Variants in TRPM5 observed in about 807,000 individuals in gnomAD.
TRPM5 encodes the protein transient receptor potential cation channel subfamily M member 5, also known as MLSN1 and TRP-related.
In TRPM5, 121 loss-of-function variants were observed where a neutral mutation model predicts 124.9. The observed-to-expected ratio is 0.97, with a 90% CI of 0.84 to 1.13. TRPM5 has a LOEUF of 1.13. Ranked by LOEUF, TRPM5 falls within the 50% of genes most tolerant of loss-of-function variation. The pLI is 0.00. For synonymous variants in TRPM5, 781 were observed against 700.5 expected (o/e 1.11, Z -1.81); for missense variants, 1,643 against 1,589.1 (o/e 1.03, Z -0.58).
At chr11:2,433,312 C>T in the TRPM5 span, among the ~76,000 whole-genome samples, 4 of 152,272 alleles carry the variant, frequency 2.6e-5, no homozygotes, top group Non-Finnish European at 2.9e-5. Context: ...TACCCTGCTC[C>T]CCGCAGAGGG....
chr11:2,405,815 C>T (rs1565005040), intron 22 of TRPM5, among the ~76,000 whole-genome samples: 1 of 152,186 alleles, frequency 6.6e-6, no homozygotes, highest in Non-Finnish European at 1.5e-5. Flanking sequence ...AAGGCTGTAG[C>T]CTCCCAAGTG....
At chr11:2,437,186 T>C in the TRPM5 span, among the ~76,000 whole-genome samples, 1 of 152,238 alleles carries the variant, frequency 6.6e-6, no homozygotes. This position sits in a 1 kb window ranked among gnomAD's most constrained non-coding sequence, Gnocchi z 5.6. Context: ...CACCTACACA[T>C]ACTTGCACAC....
chr11:2,411,625 G>A lies in TRPM5; in HGVS notation c.2607+10C>T, dbSNP rs747410762. On this transcript the variant is annotated intron_variant, in intron 17 of 23. Coordinates refer to ENST00000155858, the Ensembl canonical transcript of TRPM5. The stretch of plus-strand genomic sequence containing the variant: ...CTCCAGGGCCAGGGCCAGGGCCCCC[G>A]GGGGCTCACCATGCGCTCTACCACG... 1.6e-5 allele frequency: 25 copies of A among 1,610,780 alleles called. No individual in the cohort carries two copies. In the East Asian group the frequency reaches 3.3e-4, roughly 22 times the overall value.
chr11:2,421,854 G>A (rs1201996865), intron 2 of TRPM5, among the ~76,000 whole-genome samples: 3 of 152,180 alleles, frequency 2.0e-5, no homozygotes, highest in Non-Finnish European at 2.9e-5. Context: ...GAAGGGCCAG[G>A]CCCAGCTGGG....
chr11:2,417,839 A>G lies in TRPM5; in HGVS notation c.907-10T>C, dbSNP rs1845708007. On this transcript the variant is annotated splice_polypyrimidine_tract_variant and intron_variant, in intron 6 of 23. Coordinates refer to ENST00000155858, the Ensembl canonical transcript of TRPM5. ...AGGTGATGTTCTGCAGCTGGGCACC[A>G]GAACAGAGCCCCCATGGGGCCGCCT... 6.4e-7 allele frequency: 1 copy of G among 1,567,390 alleles called. No homozygotes were observed.
At chr11:2,433,239 G>A in the TRPM5 span, among the ~76,000 whole-genome samples, 1 of 152,246 alleles carries the variant, frequency 6.6e-6, no homozygotes, top group Admixed American at 6.5e-5. Flanking sequence ...ATGAGGCAAG[G>A]CCCACGCCCT....
chr11:2,414,033 G>GCCC, intron 12 of TRPM5, 28 bp downstream of exon 17: 1 of 455,908 alleles, frequency 2.2e-6, no homozygotes, highest in Non-Finnish European at 4.2e-6. Context: ...CCCCCTGGCA[G>GCCC]CTCTCCTCGA....
At chr11:2,406,545 C>T (rs1850326480) in intron 21 of TRPM5, 116 bp downstream of exon 26, 1 of 1,383,652 alleles carries the variant, frequency 7.2e-7, no homozygotes, top group Non-Finnish European at 9.9e-7. Flanking sequence ...CAGAGCCCTG[C>T]CCCTACCCCT....
At chr11:2,414,133 C>A in exon 12 of TRPM5, 2 of 1,605,912 alleles carry the variant, frequency 1.2e-6, no homozygotes, top group Non-Finnish European at 1.7e-6. Context: ...TGGTCTTGCT[C>A]CAGCAGCGGT....
chr11:2,405,084 A>G (rs758714644), intron 23 of TRPM5, 41 bp from the exon 29 acceptor site: 3 of 1,564,232 alleles, frequency 1.9e-6, no homozygotes, highest in Non-Finnish European at 2.6e-6. Flanking sequence ...GGGAACCAGC[A>G]AGGCAGGCCC....
chr11:2,443,215 G>T, the TRPM5 span, among the ~76,000 whole-genome samples: 1 of 152,200 alleles, frequency 6.6e-6, no homozygotes, highest in East Asian at 1.9e-4. This position sits in a 1 kb window ranked among gnomAD's most constrained non-coding sequence, Gnocchi z 5.0. Context: ...CTCGTGTGCG[G>T]TGAGATGGAC....
chr11:2,415,144 G>C, exon 9 of TRPM5: 1 of 1,570,778 alleles, frequency 6.4e-7, no homozygotes, highest in Non-Finnish European at 8.6e-7. Context: ...TCCCCTGGCC[G>C]GCCGTCCTGG....
At chr11:2,426,649 G>A (rs1320559365), upstream of TRPM5, among the ~76,000 whole-genome samples, 1 of 152,146 alleles carries the variant, frequency 6.6e-6, no homozygotes, top group Non-Finnish European at 1.5e-5. Flanking sequence ...TCAGGGCAGA[G>A]CTGGATGACC....
At chr11:2,411,989 C>A (rs988243216) in intron 16 of TRPM5, 146 bp downstream of exon 21, 2 of 906,678 alleles carry the variant, frequency 2.2e-6, no homozygotes, top group South Asian at 3.0e-5. Context: ...GCTGCCTCAA[C>A]TTCCCTGGCT....
At chr11:2,407,367 G>C in intron 19 of TRPM5, 67 bp from the exon 25 acceptor site, 1 of 1,441,204 alleles carries the variant, frequency 6.9e-7, no homozygotes, top group Non-Finnish European at 9.4e-7. Flanking sequence ...GCATCCCCCT[G>C]CACCCTGATT....
At chr11:2,433,412 C>T in the TRPM5 span, among the ~76,000 whole-genome samples, 1 of 152,230 alleles carries the variant, frequency 6.6e-6, no homozygotes, top group Non-Finnish European at 1.5e-5. Flanking sequence ...CCATTGAGGG[C>T]AGATGCTGGC....
At chr11:2,408,050 A>T in intron 18 of TRPM5, 138 bp from the exon 24 acceptor site, 1 of 1,157,812 alleles carries the variant, frequency 8.6e-7, no homozygotes. Context: ...CCACTGTCCC[A>T]GTTCACCCAG....
At chr11:2,410,399 G>C (rs1850421535) in intron 18 of TRPM5, among the ~76,000 whole-genome samples, 2 of 148,846 alleles carry the variant, frequency 1.3e-5, no homozygotes, top group South Asian at 4.3e-4. Flanking sequence ...CCCCGTGCCG[G>C]GCAGCCCCAG....
chr11:2,412,046 T>C (rs1261001496), intron 16 of TRPM5, 89 bp downstream of exon 21: 5 of 1,176,432 alleles, frequency 4.3e-6, no homozygotes, highest in African/African-American at 3.0e-5. Flanking sequence ...GGACCACAAG[T>C]GCCACCGCCA....
Sources: gnomAD v4.1 joint callset for allele counts (sites outside exome capture counted in the v4.1 genomes callset) on GRCh38, gnomAD v4.1.1 for gene constraint, Gnocchi (gnomAD v3.1) non-coding constraint, MANE v1.5 for transcripts, NCBI Gene and HGNC (gene_info 2026-07-23, HGNC 2026-07-21) for gene names.